ARHGAP17: variants seen among roughly 807,000 people sequenced by gnomAD.
ARHGAP17 encodes Rho GTPase activating protein 17.
A neutral mutation model predicts 99.5 loss-of-function variants in ARHGAP17; 57 were observed. The ratio of observed to expected loss-of-function variants is 0.57; its 90% CI spans 0.46 to 0.71. The LOEUF is 0.71. Ranked by LOEUF, ARHGAP17 falls within the 30% of genes least tolerant of loss-of-function variation. The pLI is 0.00. For missense variants in ARHGAP17, 1,000 were observed against 1,122.4 expected, an observed-to-expected ratio of 0.89 and a Z score of 1.56; for synonymous variants, 417 against 429.6, an observed-to-expected ratio of 0.97 and a Z score of 0.36.
At chr16:24,952,193 A>T in intron 12 of ARHGAP17, 96 bp downstream of exon 12, 1 of 864,782 alleles carries the variant, frequency 1.2e-6, no homozygotes, top group Non-Finnish European at 1.8e-6. Flanking sequence ...ACGCTATTTT[A>T]ATCTTATGAT....
chr16:25,013,514 A>G (rs1278185743), intron 1 of ARHGAP17, among the ~76,000 whole-genome samples: 5 of 152,110 alleles, frequency 3.3e-5, no homozygotes, highest in African/African-American at 1.2e-4. Flanking sequence ...CCAACCACAT[A>G]GGTGGCTGAG....
intron 9 of ARHGAP17, 141 bp downstream of exon 9, chr16:24,959,530 A>T (rs2051917998): frequency 1.3e-6 from 1 of 747,538 alleles, no homozygotes; most frequent in Non-Finnish European, 2.1e-6. Context: ...GGAAGATGAA[A>T]TTATGCTGGG....
intron 19 of ARHGAP17, among the ~76,000 whole-genome samples, chr16:24,926,872 T>A (rs2050856150): frequency 6.6e-6 from 1 of 152,184 alleles, no homozygotes; most frequent in African/African-American, 2.4e-5. Context: ...CAGTCTCCTG[T>A]GTTTGGGTCC....
At chr16:24,985,353 G>C (rs932235682) in intron 1 of ARHGAP17, among the ~76,000 whole-genome samples, 1 of 152,202 alleles carries the variant, frequency 6.6e-6, no homozygotes, top group Non-Finnish European at 1.5e-5. Context: ...CTTCCAACCA[G>C]GTCTCCCTGG....
At chr16:25,012,743 G>C (rs2053674511) in intron 1 of ARHGAP17, among the ~76,000 whole-genome samples, 1 of 152,198 alleles carries the variant, frequency 6.6e-6, no homozygotes, top group African/African-American at 2.4e-5. Context: ...CAGATGTTCT[G>C]ACTTTGGGTG....
chr16:24,983,542 C>T (rs1460547313), intron 1 of ARHGAP17, among the ~76,000 whole-genome samples: 1 of 152,154 alleles, frequency 6.6e-6, no homozygotes, highest in East Asian at 1.9e-4. Context: ...TGAGCTCAAG[C>T]CATCCTCCCG....
At chr16:24,954,949 G>C (rs750904475) in intron 9 of ARHGAP17, 7 of 545,840 alleles carry the variant, frequency 1.3e-5, no homozygotes, top group African/African-American at 1.9e-5. Context: ...AAGCCTGAGC[G>C]TACCTAGATG....
At chr16:25,011,927 T>C (rs1345528629) in intron 1 of ARHGAP17, among the ~76,000 whole-genome samples, 6 of 152,168 alleles carry the variant, frequency 3.9e-5, no homozygotes, top group African/African-American at 1.4e-4. Flanking sequence ...GAAGCTTTTG[T>C]TACCTCCCTC....
At chr16:24,959,794 A>G (rs757407364) in intron 8 of ARHGAP17, 42 bp from the exon 9 acceptor site, 79 of 1,609,980 alleles carry the variant, frequency 4.9e-5, no homozygotes, top group Non-Finnish European at 6.6e-5. Flanking sequence ...TAACGTTAGC[A>G]TCGGATGGAC....
intron 18 of ARHGAP17, among the ~76,000 whole-genome samples, chr16:24,933,829 A>G (rs1368447624): frequency 6.6e-6 from 1 of 151,968 alleles, no homozygotes; most frequent in Non-Finnish European, 1.5e-5. Context: ...AAAGAATCAA[A>G]CCCATCCTGC....
chr16:24,934,922 T>C (rs950940223), intron 18 of ARHGAP17, among the ~76,000 whole-genome samples: 1 of 152,028 alleles, frequency 6.6e-6, no homozygotes, highest in Non-Finnish European at 1.5e-5. Context: ...GGCTCAGAGG[T>C]AGGCCCCACC....
chr16:24,975,678 T>C (rs1292215387), intron 3 of ARHGAP17, among the ~76,000 whole-genome samples: 3 of 152,218 alleles, frequency 2.0e-5, no homozygotes, highest in African/African-American at 7.2e-5. Flanking sequence ...ATCATCTGCA[T>C]ACTATTAATA....
intron 1 of ARHGAP17, among the ~76,000 whole-genome samples, chr16:25,002,439 T>C (rs2053387219): frequency 1.3e-5 from 2 of 152,156 alleles, no homozygotes; most frequent in Admixed American, 6.6e-5. Flanking sequence ...TCCTCCCTGG[T>C]CCTGACTCCA....
rs189867899 is a variant in ARHGAP17 at position 24,960,899 on chromosome 16, T to C, written c.574-920A>G. On this transcript the variant is annotated intron_variant, in intron 7 of 19. Transcript: ENST00000289968. ...TTTTATTTATTTTTTTGAGATAGAG[T>C]CTCACTCTGTCACCCAAGCTGAAGT... Among the ~76,000 whole-genome samples the C allele has an allele frequency of 8.1e-3, 1,224 of 151,554 alleles. 10 individuals carry two copies. The highest frequency in any genetic ancestry group is 0.013 in the Non-Finnish European group (869 of 67,878).
At chr16:24,960,464 G>A (rs1267271955) in intron 7 of ARHGAP17, among the ~76,000 whole-genome samples, 1 of 152,122 alleles carries the variant, frequency 6.6e-6, no homozygotes, top group African/African-American at 2.4e-5. Flanking sequence ...AGAATTGCTT[G>A]AGCCTGGGAG....
At position 24,930,912 on chromosome 16, in the gene ARHGAP17, CTCGGTA is replaced by C; in HGVS notation, c.2381_2386del (p.Leu794_Arg796delinsTer). ...CCTTGGCTTTGGTACTGGTCTCGGTCTCGGTAAGGTTCCAGCATGTGGCTGTGCAGT... is the reference window on the plus strand; with the variant it reads ...CCTTGGCTTTGGTACTGGTCTCGGTCAGGTTCCAGCATGTGGCTGTGCAGT... On this transcript the variant is annotated stop_gained and inframe_deletion, in exon 19 of 20. Transcript: ENST00000289968. LOFTEE classifies it high-confidence loss of function. The C allele has an allele frequency of 6.2e-7, 1 of 1,613,788 alleles. No homozygotes were observed. The highest frequency in any genetic ancestry group is 8.5e-7 in the Non-Finnish European group (1 of 1,179,978).
chr16:24,941,521 A>G (rs2051311829), intron 16 of ARHGAP17, among the ~76,000 whole-genome samples: 1 of 152,212 alleles, frequency 6.6e-6, no homozygotes, highest in African/African-American at 2.4e-5. Context: ...TGAACATCAA[A>G]TTCAGTGGTT....
chr16:24,960,085 A>G, intron 7 of ARHGAP17, 106 bp from the exon 8 acceptor site: 1 of 1,064,466 alleles, frequency 9.4e-7, no homozygotes, highest in Non-Finnish European at 1.4e-6. Flanking sequence ...GATGGAAAGC[A>G]CCACAGATTA....
At position 24,931,024 on chromosome 16, in the gene ARHGAP17, T is replaced by C. The variant is rs202032364; in HGVS notation, c.2275A>G (p.Thr759Ala). ...QPSHTPPQTP[T>A]PPSTPPLGKQ... is the part of the protein sequence containing the mutation. Reference sequence around the variant, plus strand: ...CCTAGGGGCGGAGTACTGGGGGGCGTTGGAGTCTGGGGAGGGGTGTGAGAT... The same window carrying C: ...CCTAGGGGCGGAGTACTGGGGGGCGCTGGAGTCTGGGGAGGGGTGTGAGAT... Residue 759 changes from threonine (T) to alanine (A), a missense_variant, in exon 19 of 20, where the codon ACG becomes GCG. Coordinates refer to ENST00000289968, the MANE Select transcript of ARHGAP17 (RefSeq NM_001006634.3). The C allele has an allele frequency of 8.1e-6, 13 of 1,611,578 alleles. No individual in the cohort carries two copies. The East Asian group carries it at 2.0e-4, about 25-fold the overall frequency.
Sources: allele counts gnomAD v4.1 joint callset (sites outside exome capture counted in the v4.1 genomes callset), GRCh38; gene constraint gnomAD v4.1.1; transcripts MANE v1.5; gene names NCBI Gene and HGNC (gene_info 2026-07-23, HGNC 2026-07-21).